The following MARCHF6 variants were observed in gnomAD, a reference collection of about 807,000 sequenced individuals.
The protein encoded by MARCHF6 is membrane associated ring-CH-type finger 6.
A neutral mutation model predicts 133.7 loss-of-function variants in MARCHF6; 31 were observed. The ratio of observed to expected loss-of-function variants is 0.23; its 90% CI spans 0.17 to 0.31. MARCHF6 has a LOEUF of 0.31. Ranked by LOEUF, MARCHF6 falls within the 10% of genes least tolerant of loss-of-function variation. The pLI, the probability that MARCHF6 is intolerant of heterozygous loss-of-function variation, is 1.00. For synonymous variants in MARCHF6, 395 were observed against 402.5 expected, an observed-to-expected ratio of 0.98 and a Z score of 0.22; for missense variants, 723 against 1,121.6, an observed-to-expected ratio of 0.64 and a Z score of 5.08.
At chr5:10,359,209 T>C (rs1232542046) in intron 1 of MARCHF6, among the ~76,000 whole-genome samples, 1 of 152,182 alleles carries the variant, frequency 6.6e-6, no homozygotes, top group Non-Finnish European at 1.5e-5. Flanking sequence ...TCCAGGAAGC[T>C]GAAAAAAGGC....
intron 25 of MARCHF6, among the ~76,000 whole-genome samples, chr5:10,430,680 A>G (rs935841549): frequency 6.6e-6 from 1 of 152,184 alleles, no homozygotes; most frequent in Non-Finnish European, 1.5e-5. Flanking sequence ...TATATTAAAC[A>G]GTTTTAGATA....
chr5:10,389,863 G>A (rs966506982), intron 5 of MARCHF6, among the ~76,000 whole-genome samples: 1 of 152,128 alleles, frequency 6.6e-6, no homozygotes, highest in African/African-American at 2.4e-5. Flanking sequence ...GTGGGTTCAG[G>A]TGTCAGCTAA....
At position 10,411,474 on chromosome 5, in the gene MARCHF6, A is replaced by T; in HGVS notation, c.1833A>T (p.Ile611=). 6.2e-7 allele frequency: 1 copy of T among 1,614,164 alleles called. No individual in the cohort carries two copies. Residue 611 remains isoleucine, a synonymous_variant, in exon 19 of 26, where the codon ATA becomes ATT. Transcript: ENST00000274140. ...GEGLHAAHQA[I]LQQGGPVGFQ... ...GCCTTCATGCAGCCCACCAAGCCAT[A>T]CTCCAGCAGGGAGGGCCTGTTGGCT...
intron 18 of MARCHF6, among the ~76,000 whole-genome samples, chr5:10,411,092 G>A (rs1369678121): frequency 3.3e-5 from 5 of 152,092 alleles, no homozygotes; most frequent in Admixed American, 2.0e-4. Context: ...CTCAGATACT[G>A]GCTGAAGAAA....
At chr5:10,403,189 A>G (rs1016609093) in intron 14 of MARCHF6, among the ~76,000 whole-genome samples, 1 of 152,234 alleles carries the variant, frequency 6.6e-6, no homozygotes, top group Non-Finnish European at 1.5e-5. Context: ...ATCAGTATTA[A>G]TAAAGCTTTT....
chr5:10,362,464 A>T (rs1001830004), intron 1 of MARCHF6, among the ~76,000 whole-genome samples: 4 of 152,234 alleles, frequency 2.6e-5, no homozygotes, highest in African/African-American at 9.6e-5. Context: ...GAGGACCCAA[A>T]GGACTTTTGT....
chr5:10,423,718 G>A lies in MARCHF6; in HGVS notation c.2284-17G>A, dbSNP rs759183769. 2 of 1,559,658 alleles carry A rather than the reference G, an allele frequency of 1.3e-6. No homozygotes were observed. Among genetic ancestry groups the A allele is most frequent in the Non-Finnish European group, 1.8e-6 (2 of 1,134,190 alleles). ...AAAAAACAACAGAAATATGTTAAATGGTTTTTAATTCCCTAGGACTGGGCA... is the reference window on the plus strand; with the variant it reads ...AAAAAACAACAGAAATATGTTAAATAGTTTTTAATTCCCTAGGACTGGGCA... On this transcript the variant is annotated splice_polypyrimidine_tract_variant and intron_variant, in intron 22 of 25. Transcript: ENST00000274140.
rs992576198 is a variant in MARCHF6 at position 10,436,612 on chromosome 5, G to A, written c.*2928G>A. 6.6e-6 allele frequency: 1 copy of A among 152,054 alleles called. No individual in the cohort carries two copies. Among genetic ancestry groups the A allele is most frequent in the Admixed American group, 6.5e-5 (1 of 15,270 alleles). The allele number at this position is 152,054 out of a possible 1,614,324, so 9.4% of individuals were successfully genotyped here. On this transcript the variant is annotated 3_prime_UTR_variant, in exon 26 of 26. Transcript: ENST00000274140. ...ATATATAGAAGACAAATCAGCATTT[G>A]GTGATAGTTTTACATGACCAGTTAT...
chr5:10,395,975 A>G (rs1034441390), intron 9 of MARCHF6, among the ~76,000 whole-genome samples: 5 of 152,236 alleles, frequency 3.3e-5, no homozygotes, highest in African/African-American at 1.2e-4. Flanking sequence ...ATACTGATTT[A>G]TATTCCTTAC....
intron 17 of MARCHF6, among the ~76,000 whole-genome samples, chr5:10,407,910 C>T (rs562495070): frequency 2.7e-5 from 4 of 150,522 alleles, no homozygotes; most frequent in African/African-American, 4.9e-5. Flanking sequence ...GAGCCGAGAT[C>T]GTGCCATTGC....
At chr5:10,376,957 GCCCTGA>G (rs1736823498) in intron 1 of MARCHF6, among the ~76,000 whole-genome samples, 1 of 152,154 alleles carries the variant, frequency 6.6e-6, no homozygotes, top group Non-Finnish European at 1.5e-5. Flanking sequence ...TTGGCTCTTG[GCCCTGA>G]CAGATAGCTG....
intron 3 of MARCHF6, among the ~76,000 whole-genome samples, 177 bp downstream of exon 3, chr5:10,379,009 AT>A (rs1736962897): frequency 2.0e-5 from 3 of 152,180 alleles, no homozygotes; most frequent in Non-Finnish European, 4.4e-5. Flanking sequence ...TTAGGAAAAT[AT>A]TTTGAAAAAC....
chr5:10,370,933 T>C (rs1321165958), intron 1 of MARCHF6, among the ~76,000 whole-genome samples: 1 of 152,194 alleles, frequency 6.6e-6, no homozygotes, highest in Non-Finnish European at 1.5e-5. Context: ...AGCAGATAAA[T>C]AGAATATTGA....
chr5:10,410,999 G>C (rs900113857), intron 18 of MARCHF6, among the ~76,000 whole-genome samples: 6 of 151,900 alleles, frequency 3.9e-5, no homozygotes, highest in Non-Finnish European at 2.9e-5. Flanking sequence ...CCTTGTGCTT[G>C]TAAGTACTTA....
At chr5:10,360,829 A>G (rs909941501) in intron 1 of MARCHF6, among the ~76,000 whole-genome samples, 6 of 152,224 alleles carry the variant, frequency 3.9e-5, no homozygotes, top group African/African-American at 7.2e-5. Context: ...GAGATCTGCT[A>G]TATTGCTCAA....
rs1740466825 is a variant in MARCHF6 at position 10,433,471 on chromosome 5, G to T, written c.2643-123G>T. The T allele has an allele frequency of 2.0e-5, 14 of 698,518 alleles. No individual in the cohort carries two copies. In the South Asian group the frequency reaches 2.3e-4, roughly 12 times the overall value. The allele number at this position is 698,518 out of a possible 1,614,324, so 43.3% of individuals were successfully genotyped here. Reference sequence around the variant, plus strand: ...TCAGCCTTTACAGGTGTTCACTCGGGACTCCCTTTGACTTGCCCAACCATT... The same window carrying T: ...TCAGCCTTTACAGGTGTTCACTCGGTACTCCCTTTGACTTGCCCAACCATT... On this transcript the variant is annotated intron_variant, in intron 25 of 25. Coordinates refer to ENST00000274140, the MANE Select transcript of MARCHF6 (RefSeq NM_005885.4).
rs1579617623 is a variant in MARCHF6, at chr5:10,423,743, A to G, written c.2292A>G (p.Ala764=). 1.2e-6 allele frequency: 2 copies of G among 1,611,784 alleles called. No homozygotes were observed. The highest frequency in any genetic ancestry group is 2.7e-5 in the African/African-American group (2 of 74,898). The part of the protein sequence containing the change: ...TPLFYPWQDW[A]LGVLHAKIIA... ...GGTTTTTAATTCCCTAGGACTGGGC[A>G]CTTGGAGTCCTGCATGCCAAAATCA... is the stretch of plus-strand genomic sequence containing the variant. Residue 764 remains alanine, a synonymous_variant, in exon 23 of 26, where the codon GCA becomes GCG. Coordinates refer to ENST00000274140, the MANE Select transcript of MARCHF6 (RefSeq NM_005885.4).
chr5:10,414,461 T>C lies in MARCHF6; in HGVS notation c.1925T>C (p.Ile642Thr), dbSNP rs1739395184. The change falls in exon 20 of 26, where the codon ATA becomes ACA. Residue 642 changes from isoleucine (I) to threonine (T), a missense_variant. Around this residue, in one of 4 missense-constraint regions of MARCHF6, gnomAD observed 492 missense variants for 699.5 expected, o/e 0.70. Transcript: ENST00000274140. ...RIFLLIVFMCITLLIASLICL... is the reference protein window; with the variant it reads ...RIFLLIVFMCTTLLIASLICL... Reference sequence around the variant, plus strand: ...TTTCTGTTGATTGTCTTCATGTGTATAACATTACTGATTGCCAGCCTCATC... The same window carrying C: ...TTTCTGTTGATTGTCTTCATGTGTACAACATTACTGATTGCCAGCCTCATC... The C allele has an allele frequency of 6.2e-7, 1 of 1,613,570 alleles. No individual in the cohort carries two copies. Among genetic ancestry groups the C allele is most frequent in the Non-Finnish European group, 8.5e-7 (1 of 1,179,692 alleles).
intron 22 of MARCHF6, 130 bp downstream of exon 22, chr5:10,417,534 C>G (rs1739577864): frequency 8.2e-7 from 1 of 1,221,422 alleles, no homozygotes; most frequent in African/African-American, 1.5e-5. Flanking sequence ...CTGCTTGCAC[C>G]CAGGAGTTCG....
Sources: gnomAD v4.1 joint callset for allele counts (sites outside exome capture counted in the v4.1 genomes callset) on GRCh38, gnomAD v4.1.1 for gene constraint, gnomAD v4.1.1 regional missense constraint, MANE v1.5 for transcripts, NCBI Gene and HGNC (gene_info 2026-07-23, HGNC 2026-07-21) for gene names.